The following RHBDL3 variants were observed in gnomAD, a reference collection of about 807,000 sequenced individuals.
RHBDL3 encodes the protein rhomboid-related protein 3.
RHBDL3 carries 28 observed loss-of-function variants against 48.2 expected under a neutral mutation model. The ratio of observed to expected loss-of-function variants is 0.58; its 90% CI spans 0.43 to 0.80. The LOEUF (loss-of-function observed/expected upper bound fraction) is 0.80. Ranked by LOEUF, RHBDL3 falls within the 30% of genes least tolerant of loss-of-function variation. The pLI is 0.00. For synonymous variants in RHBDL3, 208 were observed against 232.3 expected, an observed-to-expected ratio of 0.90 and a Z score of 0.95; for missense variants, 464 against 542.7, an observed-to-expected ratio of 0.85 and a Z score of 1.44.
chr17:32,283,473 ACC>A, intron 2 of RHBDL3, among the ~76,000 whole-genome samples: 1 of 151,164 alleles, frequency 6.6e-6, no homozygotes, highest in Non-Finnish European at 1.5e-5. Context: ...ACAGGCGCAC[ACC>A]ACCACGCCCG....
At position 32,298,140 on chromosome 17, in the gene RHBDL3, G is replaced by A. The variant is rs771415416; in HGVS notation, c.717G>A (p.Val239=). The part of the protein sequence containing the change: ...LNVVLQLLVG[V]PLEMVHGATR... ...TGGTGCTGCAGCTGCTGGTGGGGGT[G>A]CCCCTGGAGATGGTGCATGGAGCCA... The change falls in exon 6 of 9, where the codon GTG becomes GTA. Residue 239 remains valine (V), a synonymous_variant. Transcript: ENST00000269051. 5 of 1,614,062 alleles carry A rather than the reference G, an allele frequency of 3.1e-6. No individual in the cohort carries two copies. Among genetic ancestry groups the A allele is most frequent in the Non-Finnish European group, 4.2e-6 (5 of 1,179,936 alleles).
intron 7 of RHBDL3, among the ~76,000 whole-genome samples, chr17:32,315,665 G>A (rs2040953092): frequency 6.6e-6 from 1 of 151,864 alleles, no homozygotes; most frequent in Non-Finnish European, 1.5e-5. Flanking sequence ...AACTTACTCT[G>A]AGCTAAAAAG....
intron 7 of RHBDL3, among the ~76,000 whole-genome samples, chr17:32,306,219 C>T (rs1429122050): frequency 1.3e-5 from 2 of 151,440 alleles, no homozygotes; most frequent in South Asian, 2.1e-4. Context: ...GTCAAGAGAT[C>T]GAGACCATCC....
intron 2 of RHBDL3, among the ~76,000 whole-genome samples, chr17:32,273,170 T>C (rs547027748): frequency 1.6e-4 from 24 of 152,246 alleles, no homozygotes; most frequent in African/African-American, 5.3e-4. Context: ...CTGGCTATTT[T>C]TTGGTATTTT....
intron 6 of RHBDL3, among the ~76,000 whole-genome samples, chr17:32,301,566 A>G (rs2040583494): frequency 6.6e-6 from 1 of 152,158 alleles, no homozygotes; most frequent in Admixed American, 6.5e-5. Flanking sequence ...CACACCTGTA[A>G]TCCCAGCACT....
intron 7 of RHBDL3, among the ~76,000 whole-genome samples, chr17:32,311,380 T>G (rs112331066): frequency 0.029 from 4,393 of 152,248 alleles, 80 homozygotes; most frequent in Non-Finnish European, 0.038. Flanking sequence ...GCGGGGACTC[T>G]CTAGTTTAAC....
chr17:32,293,640 G>A (rs954756165), intron 4 of RHBDL3, among the ~76,000 whole-genome samples: 1 of 151,724 alleles, frequency 6.6e-6, no homozygotes, highest in Non-Finnish European at 1.5e-5. Context: ...TTTCACTATA[G>A]TTATTTAAGA....
chr17:32,321,366 GT>G lies in RHBDL3; in HGVS notation c.*140del. The G allele has an allele frequency of 6.5e-7, 1 of 1,541,322 alleles. No individual in the cohort carries two copies. Among genetic ancestry groups the G allele is most frequent in the South Asian group, 1.2e-5 (1 of 84,090 alleles). On this transcript the variant is annotated 3_prime_UTR_variant, in exon 9 of 9. Transcript: ENST00000269051. ...GACTCTGGGCCACTGTAATGTTTGT[GT>G]TTAGATTTGGACACACAGTGGAGAC...
chr17:32,299,593 A>C (rs1244247084), intron 6 of RHBDL3, among the ~76,000 whole-genome samples: 1 of 152,220 alleles, frequency 6.6e-6, no homozygotes, highest in Non-Finnish European at 1.5e-5. Context: ...CATTAATAAC[A>C]TTTGCAGTTA....
chr17:32,282,745 C>T (rs549387887), intron 2 of RHBDL3, among the ~76,000 whole-genome samples: 2 of 152,238 alleles, frequency 1.3e-5, no homozygotes, highest in South Asian at 4.1e-4. Flanking sequence ...GCCTCAGCCT[C>T]CCAAGTAGCT....
In RHBDL3 at chr17:32,265,835, G is replaced by A. The variant is rs1324892646; in HGVS notation, c.-355G>A. ...GCGGGGAGGAGGAGACTCGGGCGCA[G>A]AGCGGGGGCCGCGAGAAGCGGGAAG... On this transcript the variant is annotated 5_prime_UTR_variant, in exon 1 of 9. Transcript: ENST00000269051. 1.4e-5 allele frequency among the ~76,000 whole-genome samples: 2 copies of A among 147,436 alleles called. No individual in the cohort carries two copies. The highest frequency in any genetic ancestry group is 2.0e-4 in the East Asian group (1 of 5,088).
At chr17:32,313,540 ACT>A (rs1028494368) in intron 7 of RHBDL3, among the ~76,000 whole-genome samples, 14 of 151,648 alleles carry the variant, frequency 9.2e-5, no homozygotes, top group Admixed American at 5.3e-4. Flanking sequence ...CAAAACTGAA[ACT>A]CTGTACCCAC....
At chr17:32,285,913 T>A (rs751022248) in intron 3 of RHBDL3, among the ~76,000 whole-genome samples, 1 of 152,198 alleles carries the variant, frequency 6.6e-6, no homozygotes, top group African/African-American at 2.4e-5. Flanking sequence ...CAACAGCCTC[T>A]TGGCTGAGGT....
chr17:32,305,357 T>C lies in RHBDL3; in HGVS notation c.798T>C (p.Ser266=). Residue 266 remains serine, a synonymous_variant, in exon 7 of 9, where the codon TCT becomes TCC. Transcript: ENST00000269051. ...AGVVAGSLAV[S]VADMTAPVVG... ...CTGTACTAGGGTCCTTGGCAGTGTC[T>C]GTGGCTGACATGACCGCTCCAGTCG... is the stretch of plus-strand genomic sequence containing the variant. 6.2e-7 allele frequency: 1 copy of C among 1,613,320 alleles called. No homozygotes were observed. The highest frequency in any genetic ancestry group is 8.5e-7 in the Non-Finnish European group (1 of 1,179,270).
chr17:32,297,663 T>C (rs1433013034), intron 5 of RHBDL3, among the ~76,000 whole-genome samples: 2 of 139,876 alleles, frequency 1.4e-5, no homozygotes, highest in African/African-American at 5.4e-5. Context: ...TTTTTTTTTT[T>C]TTTTTTTTTT....
chr17:32,314,219 G>A (rs1052895560), intron 7 of RHBDL3, among the ~76,000 whole-genome samples: 4 of 152,114 alleles, frequency 2.6e-5, no homozygotes, highest in African/African-American at 4.8e-5. Context: ...AGGGGTGGCC[G>A]GTCAGTGAGG....
Position 32,266,264 on chromosome 17 carries a change from C to A in RHBDL3, c.75C>A (p.Pro25=). 1 of 1,468,834 alleles carries A rather than the reference C, an allele frequency of 6.8e-7. No individual in the cohort carries two copies. Among genetic ancestry groups the A allele is most frequent in the Non-Finnish European group, 9.0e-7 (1 of 1,117,234 alleles). The allele number at this position is 1,468,834 out of a possible 1,614,324, so 91.0% of individuals were successfully genotyped here. A position where few individuals can be genotyped will look rare whatever the true frequency, so the allele number is the denominator to read the frequency against. The change falls in exon 1 of 9, where the codon CCC becomes CCA. Residue 25 remains proline, a synonymous_variant. Coordinates refer to ENST00000269051, the MANE Select transcript of RHBDL3 (RefSeq NM_138328.3). ...AEAERIEELE[P]EAEERLPAAP... ...CGGAGCGCATCGAGGAGCTGGAACC[C>A]GAGGCCGAGGAGCGGCTGCCCGCGG...
In RHBDL3 at chr17:32,266,303, G is replaced by C; in HGVS notation, c.111+3G>C. The C allele has an allele frequency of 2.1e-6, 3 of 1,440,012 alleles. No homozygotes were observed. The highest frequency in any genetic ancestry group is 2.7e-6 in the Non-Finnish European group (3 of 1,092,578). 89.2% of individuals were successfully genotyped at this position (1,440,012 alleles called of 1,614,324 possible). ...GGCTGCCCGCGGCGCCGGAGGACGT[G>C]AGTGCCCCCTCCCCGCCCGGCAAAC... is the stretch of plus-strand genomic sequence containing the variant. On this transcript the variant is annotated splice_donor_region_variant and intron_variant, in intron 1 of 8. Coordinates refer to ENST00000269051, the MANE Select transcript of RHBDL3 (RefSeq NM_138328.3).
intron 6 of RHBDL3, among the ~76,000 whole-genome samples, chr17:32,302,426 G>A (rs1307596019): frequency 8.6e-5 from 13 of 151,610 alleles, no homozygotes; most frequent in African/African-American, 3.2e-4. Flanking sequence ...GCACGATCTC[G>A]GCTCACTGCA....
Sources: allele counts gnomAD v4.1 joint callset (sites outside exome capture counted in the v4.1 genomes callset), GRCh38; gene constraint gnomAD v4.1.1; transcripts MANE v1.5; gene names NCBI Gene and HGNC (gene_info 2026-07-23, HGNC 2026-07-21).